PXDNL: variants seen among roughly 807,000 people sequenced by gnomAD.
PXDNL encodes the protein peroxidasin like, also known as probable oxidoreductase PXDNL.
Under a neutral mutation model 150.8 loss-of-function variants are expected in PXDNL, and 145 were observed. The observed-to-expected ratio is 0.96, with a 90% CI of 0.84 to 1.10. The LOEUF (loss-of-function observed/expected upper bound fraction) is 1.10, where lower values mean the gene tolerates loss of function less well. PXDNL is among the 50% of genes least tolerant of loss of function. PXDNL has a pLI of 0.00. For synonymous variants in PXDNL, 757 were observed against 725.7 expected (o/e 1.04, Z -0.69); for missense variants, 2,087 against 1,873.9 (o/e 1.11, Z -2.10).
chr8:51,708,598 TA>T (rs1365364911), intron 1 of PXDNL, among the ~76,000 whole-genome samples: 1 of 151,962 alleles, frequency 6.6e-6, no homozygotes, highest in Non-Finnish European at 1.5e-5. Context: ...AACACAGATA[TA>T]AAAATCAGAG....
At chr8:51,371,754 C>T in intron 19 of PXDNL, 119 bp downstream of exon 19, 1 of 930,348 alleles carries the variant, frequency 1.1e-6, no homozygotes, top group East Asian at 2.7e-5. Flanking sequence ...AAGGAAAGTT[C>T]TGTGTTGTTG....
intron 8 of PXDNL, among the ~76,000 whole-genome samples, chr8:51,465,372 C>A (rs1406445748): frequency 6.6e-6 from 1 of 151,534 alleles, no homozygotes; most frequent in Non-Finnish European, 1.5e-5. Context: ...AAAAAAAAAA[C>A]CTCAACAAAC....
chr8:51,731,041 T>G (rs1307218710), intron 1 of PXDNL, among the ~76,000 whole-genome samples: 1 of 152,176 alleles, frequency 6.6e-6, no homozygotes, highest in Non-Finnish European at 1.5e-5. Flanking sequence ...CCAAATCTCA[T>G]GTTCTCACAT....
chr8:51,728,540 C>A (rs140793197), intron 1 of PXDNL, among the ~76,000 whole-genome samples: 1 of 150,386 alleles, frequency 6.6e-6, no homozygotes, highest in Non-Finnish European at 1.5e-5. Flanking sequence ...CAGGCCTAGG[C>A]GAATGTGTGT....
chr8:51,716,401 G>T (rs913687882), intron 1 of PXDNL, among the ~76,000 whole-genome samples: 1 of 151,792 alleles, frequency 6.6e-6, no homozygotes, highest in Non-Finnish European at 1.5e-5. Context: ...TTTCCCTCTT[G>T]CTGATTCCAT....
At chr8:51,343,019 C>A (rs1183775240) in intron 20 of PXDNL, among the ~76,000 whole-genome samples, 1 of 151,952 alleles carries the variant, frequency 6.6e-6, no homozygotes, top group Non-Finnish European at 1.5e-5. Flanking sequence ...AGGCAACGAG[C>A]CCAGGTAGGA....
At chr8:51,394,360 G>A (rs79043579) in intron 17 of PXDNL, among the ~76,000 whole-genome samples, 4,069 of 152,178 alleles carry the variant, frequency 0.027, 214 homozygotes, top group African/African-American at 0.091. Context: ...GAAAAATATG[G>A]CTTCCATTTG....
chr8:51,339,140 C>T (rs1020622874), intron 21 of PXDNL, among the ~76,000 whole-genome samples: 1 of 152,136 alleles, frequency 6.6e-6, no homozygotes, highest in Non-Finnish European at 1.5e-5. Context: ...TCCCCAAGGC[C>T]TCCTTCCCTA....
At chr8:51,749,513 A>C (rs2037020227) in intron 1 of PXDNL, among the ~76,000 whole-genome samples, 1 of 152,226 alleles carries the variant, frequency 6.6e-6, no homozygotes, top group Non-Finnish European at 1.5e-5. Flanking sequence ...TACAGTAAAA[A>C]TACAGCATAA....
chr8:51,532,150 G>A (rs1811920370), intron 4 of PXDNL, among the ~76,000 whole-genome samples: 2 of 152,214 alleles, frequency 1.3e-5, no homozygotes, highest in South Asian at 4.1e-4. Flanking sequence ...CTTAGTAATA[G>A]CCTTCGCATT....
At chr8:51,549,590 C>G (rs1812438809) in intron 4 of PXDNL, among the ~76,000 whole-genome samples, 1 of 151,878 alleles carries the variant, frequency 6.6e-6, no homozygotes, top group Admixed American at 6.6e-5. Flanking sequence ...ATCTTTGGGT[C>G]AAAATTAAAT....
In PXDNL at chr8:51,654,675, C is replaced by A. The variant is rs756105646; in HGVS notation, c.236+14G>T. On this transcript the variant is annotated intron_variant, in intron 2 of 22. Transcript: ENST00000356297. ...TAATTTTAGGAACCTTACAGATAAG[C>A]AATAAGTACTCACAGTGTGTTCAAA... The A allele has an allele frequency of 8.1e-6, 13 of 1,600,042 alleles. No individual in the cohort carries two copies. The highest frequency in any genetic ancestry group is 2.2e-5 in the East Asian group (1 of 44,802).
chr8:51,608,783 G>C (rs976595181), intron 2 of PXDNL, among the ~76,000 whole-genome samples: 1 of 137,450 alleles, frequency 7.3e-6, no homozygotes, highest in East Asian at 2.2e-4. Context: ...CTTGCAGTGA[G>C]CCGAGATTGC....
chr8:51,392,112 A>G (rs2130841472), intron 17 of PXDNL, among the ~76,000 whole-genome samples: 1 of 152,290 alleles, frequency 6.6e-6, no homozygotes. Context: ...CTGTTTTGGT[A>G]CCAGTACCAT....
At chr8:51,765,309 C>A (rs950045115) in intron 1 of PXDNL, among the ~76,000 whole-genome samples, 3 of 152,144 alleles carry the variant, frequency 2.0e-5, no homozygotes, top group Non-Finnish European at 4.4e-5. Context: ...AAGGTGAAAT[C>A]CCTTTGGCTT....
intron 2 of PXDNL, among the ~76,000 whole-genome samples, chr8:51,638,388 T>A (rs1014979634): frequency 6.6e-6 from 1 of 152,142 alleles, no homozygotes; most frequent in African/African-American, 2.4e-5. Flanking sequence ...ATGCTCCAAT[T>A]AAAAGACACA....
intron 1 of PXDNL, among the ~76,000 whole-genome samples, chr8:51,672,727 A>G (rs913320423): frequency 2.0e-5 from 3 of 152,112 alleles, no homozygotes; most frequent in African/African-American, 4.8e-5. Context: ...TATATTATAA[A>G]TTAGTGCCTT....
intron 17 of PXDNL, among the ~76,000 whole-genome samples, chr8:51,385,856 C>A (rs1319217076): frequency 6.6e-6 from 1 of 152,170 alleles, no homozygotes; most frequent in Non-Finnish European, 1.5e-5. Flanking sequence ...TTGCCTGCCA[C>A]CAGGTAAGAC....
intron 1 of PXDNL, among the ~76,000 whole-genome samples, chr8:51,781,927 C>T (rs1183372611): frequency 1.3e-5 from 2 of 152,194 alleles, no homozygotes; most frequent in African/African-American, 4.8e-5. Flanking sequence ...CAGAATACCG[C>T]CCCATCCTCC....
Sources: gnomAD v4.1 joint callset for allele counts (sites outside exome capture counted in the v4.1 genomes callset) on GRCh38, gnomAD v4.1.1 for gene constraint, MANE v1.5 for transcripts, NCBI Gene and HGNC (gene_info 2026-07-23, HGNC 2026-07-21) for gene names.